ENTREP2: variants seen among roughly 807,000 people sequenced by gnomAD.
ENTREP2 encodes the protein protein ENTREP2.
At chr15:29,133,846 A>G in the ENTREP2 span, among the ~76,000 whole-genome samples, 3 of 152,040 alleles carry the variant, frequency 2.0e-5, no homozygotes, top group Non-Finnish European at 4.4e-5. Context: ...TCAACCCACC[A>G]CACCCAGACA....
At chr15:29,196,029 A>G in the ENTREP2 span, among the ~76,000 whole-genome samples, 3 of 152,170 alleles carry the variant, frequency 2.0e-5, no homozygotes, top group Admixed American at 2.0e-4. Flanking sequence ...ATAGACTCCC[A>G]GGGGAGACTG....
At chr15:29,608,668 C>T in the ENTREP2 span, among the ~76,000 whole-genome samples, 2 of 151,904 alleles carry the variant, frequency 1.3e-5, no homozygotes, top group African/African-American at 2.4e-5. Flanking sequence ...CCCAGGTTCG[C>T]CCATTCTCCT....
the ENTREP2 span, among the ~76,000 whole-genome samples, chr15:29,578,705 G>A: frequency 2.8e-4 from 43 of 152,256 alleles, no homozygotes; most frequent in Non-Finnish European, 6.0e-4. Context: ...AGTTCCTTAC[G>A]GACAGGAATC....
chr15:29,430,733 T>C, the ENTREP2 span, among the ~76,000 whole-genome samples: 2 of 151,768 alleles, frequency 1.3e-5, no homozygotes, highest in South Asian at 4.2e-4. Context: ...GGAATGGAGG[T>C]ACACCCATCA....
At chr15:29,387,468 G>A in the ENTREP2 span, among the ~76,000 whole-genome samples, 5 of 152,298 alleles carry the variant, frequency 3.3e-5, no homozygotes, top group South Asian at 6.2e-4. Context: ...CGAAATAAAA[G>A]AGGATACAAA....
the ENTREP2 span, among the ~76,000 whole-genome samples, chr15:29,208,333 C>T: frequency 6.6e-6 from 1 of 152,120 alleles, no homozygotes; most frequent in African/African-American, 2.4e-5. Context: ...TGACCAAATA[C>T]ATAAAGACAT....
the ENTREP2 span, among the ~76,000 whole-genome samples, chr15:29,208,150 C>T: frequency 1.4e-5 from 2 of 146,332 alleles, no homozygotes; most frequent in African/African-American, 2.5e-5. Context: ...TGCTTTCACC[C>T]TCCCCTCCCC....
chr15:29,436,180 AT>A, the ENTREP2 span, among the ~76,000 whole-genome samples: 146 of 152,186 alleles, frequency 9.6e-4, 1 homozygote, highest in Non-Finnish European at 1.9e-3. Flanking sequence ...CAGGAATCAT[AT>A]TGTAAAACAC....
the ENTREP2 span, among the ~76,000 whole-genome samples, chr15:29,405,815 C>T: frequency 5.3e-5 from 8 of 152,210 alleles, no homozygotes; most frequent in African/African-American, 1.2e-4. Context: ...CACCTCCGGG[C>T]GGGAGACTTT....
chr15:29,525,606 G>A, the ENTREP2 span, among the ~76,000 whole-genome samples: 1 of 152,204 alleles, frequency 6.6e-6, no homozygotes, highest in East Asian at 1.9e-4. Context: ...GAATCTCAAA[G>A]GCTTTATGCT....
At chr15:29,264,154 C>CAGAAAAAAAAAAA in the ENTREP2 span, among the ~76,000 whole-genome samples, 1 of 69,064 alleles carries the variant, frequency 1.4e-5, no homozygotes, top group East Asian at 4.4e-4. Flanking sequence ...GACTCCGTCT[C>CAGAAAAAAAAAAA]AAAAAAAAAA....
the ENTREP2 span, among the ~76,000 whole-genome samples, chr15:29,163,463 G>GA: frequency 5.6e-3 from 839 of 150,068 alleles, 7 homozygotes; most frequent in African/African-American, 0.019. Context: ...ATAGCTTAAA[G>GA]AAAAAAAAAT....
At chr15:29,556,273 G>A in the ENTREP2 span, among the ~76,000 whole-genome samples, 1 of 152,126 alleles carries the variant, frequency 6.6e-6, no homozygotes, top group Non-Finnish European at 1.5e-5. Context: ...CTCTCCGACA[G>A]TTATCTCCTG....
At chr15:29,506,106 G>A in the ENTREP2 span, among the ~76,000 whole-genome samples, 4 of 152,138 alleles carry the variant, frequency 2.6e-5, no homozygotes, top group African/African-American at 7.2e-5. Flanking sequence ...CGAGAACTTC[G>A]TGAAGCATAC....
At chr15:29,447,692 G>A in the ENTREP2 span, among the ~76,000 whole-genome samples, 7 of 148,626 alleles carry the variant, frequency 4.7e-5, 2 homozygotes, top group South Asian at 1.5e-3. Context: ...GTCTCGCCAT[G>A]TTGCCCAAGC....
chr15:29,123,573 T>A, the ENTREP2 span: 2 of 1,551,718 alleles, frequency 1.3e-6, no homozygotes, highest in East Asian at 2.4e-5. Flanking sequence ...GTGTTGGCCG[T>A]TGGTCAGTTT....
the ENTREP2 span, among the ~76,000 whole-genome samples, chr15:29,608,048 C>G: frequency 1.3e-5 from 2 of 152,056 alleles, no homozygotes; most frequent in Non-Finnish European, 2.9e-5. Flanking sequence ...GGAGACTAGG[C>G]CAGTCTTGCC....
chr15:29,438,064 T>G, the ENTREP2 span, among the ~76,000 whole-genome samples: 1 of 152,172 alleles, frequency 6.6e-6, no homozygotes, highest in Non-Finnish European at 1.5e-5. Context: ...GCTCCAGCCT[T>G]GAACACAAGA....
the ENTREP2 span, among the ~76,000 whole-genome samples, chr15:29,431,701 C>A: frequency 6.6e-6 from 1 of 152,216 alleles, no homozygotes; most frequent in East Asian, 1.9e-4. Flanking sequence ...ATAGAGAACT[C>A]AGCTTGAGGA....
Sources: gnomAD v4.1 joint callset for allele counts (sites outside exome capture counted in the v4.1 genomes callset) on GRCh38, gnomAD v4.1.1 for gene constraint, MANE v1.5 for transcripts, NCBI Gene and HGNC (gene_info 2026-07-23, HGNC 2026-07-21) for gene names.